Variants in CCSER1 observed in about 807,000 individuals in gnomAD.
CCSER1 encodes coiled-coil serine rich protein 1.
Under a neutral mutation model 82.0 loss-of-function variants are expected in CCSER1, and 41 were observed. The observed-to-expected ratio is 0.50, with a 90% CI of 0.39 to 0.65. The LOEUF (loss-of-function observed/expected upper bound fraction) is 0.65. CCSER1 is among the 30% of genes least tolerant of loss of function. The probability of loss-of-function intolerance (pLI) is 0.00; values close to 1 mark genes in which losing one functional copy is unlikely to be tolerated. For synonymous variants in CCSER1, 414 were observed against 383.9 expected (o/e 1.08, Z -0.92); for missense variants, 1,119 against 1,064.2 (o/e 1.05, Z -0.72).
rs1308833294 is a variant in CCSER1 at position 90,734,909 on chromosome 4, G to A, written c.2010+10918G>A. ...CCTTGTTTTGTTCCAAATCTTAGACGAAAGACTTTCAGATTTTCCCCATTT... is the reference window on the plus strand; with the variant it reads ...CCTTGTTTTGTTCCAAATCTTAGACAAAAGACTTTCAGATTTTCCCCATTT... On this transcript the variant is annotated intron_variant, in intron 7 of 10. Coordinates refer to ENST00000509176, the MANE Select transcript of CCSER1 (RefSeq NM_001145065.2). Among the ~76,000 whole-genome samples the A allele has an allele frequency of 2.6e-5, 4 of 152,188 alleles. No homozygotes were observed. The East Asian group carries it at 5.8e-4, about 22-fold the overall frequency.
chr4:90,211,098 A>G (rs543276716), intron 1 of CCSER1, among the ~76,000 whole-genome samples: 1 of 152,336 alleles, frequency 6.6e-6, no homozygotes, highest in Admixed American at 6.5e-5. Flanking sequence ...AGACAATGAT[A>G]GGGAACTTAG....
intron 5 of CCSER1, among the ~76,000 whole-genome samples, chr4:90,506,259 C>G (rs777720786): frequency 1.5e-4 from 23 of 152,072 alleles, no homozygotes; most frequent in Admixed American, 3.9e-4. Flanking sequence ...GAATTTTCAT[C>G]TAGTTAATTT....
At chr4:90,178,912 G>A (rs1578348516) in intron 1 of CCSER1, among the ~76,000 whole-genome samples, 1 of 152,136 alleles carries the variant, frequency 6.6e-6, no homozygotes, top group East Asian at 1.9e-4. Flanking sequence ...ATCTTTGGAA[G>A]TGGCTAAATA....
chr4:90,164,310 G>T (rs1183198766), intron 1 of CCSER1, among the ~76,000 whole-genome samples: 3 of 150,214 alleles, frequency 2.0e-5, no homozygotes, highest in African/African-American at 7.3e-5. Context: ...GTCTATCGCA[G>T]AATTGATTTT....
intron 10 of CCSER1, among the ~76,000 whole-genome samples, chr4:91,269,464 T>C (rs1741860220): frequency 6.6e-6 from 1 of 152,214 alleles, no homozygotes; most frequent in Admixed American, 6.5e-5. Flanking sequence ...GAAGGATTAC[T>C]CATATAAGCT....
In CCSER1 at chr4:90,198,885, A is replaced by C. The variant is rs568339788; in HGVS notation, c.-42+71054A>C. 3.9e-5 allele frequency among the ~76,000 whole-genome samples: 6 copies of C among 152,146 alleles called. No individual in the cohort carries two copies. The South Asian group carries it at 1.2e-3, about 32-fold the overall frequency. On this transcript the variant is annotated intron_variant, in intron 1 of 10. Coordinates refer to ENST00000509176, the MANE Select transcript of CCSER1 (RefSeq NM_001145065.2). ...GTTTTGAAACTTTTTAGATTATTCA[A>C]ATCTTTACATTTATTGTGACTGTCT...
intron 1 of CCSER1, among the ~76,000 whole-genome samples, chr4:90,266,811 A>T (rs1024437209): frequency 1.3e-5 from 2 of 152,052 alleles, no homozygotes; most frequent in African/African-American, 4.8e-5. Flanking sequence ...ACCATTGGCT[A>T]AACTGTCTGG....
At chr4:91,156,931 A>G (rs1229292259) in intron 10 of CCSER1, among the ~76,000 whole-genome samples, 1 of 151,906 alleles carries the variant, frequency 6.6e-6, no homozygotes, top group Non-Finnish European at 1.5e-5. Context: ...GATACTTACA[A>G]AAAAAGAAAT....
At chr4:91,406,944 G>A (rs546263621) in intron 10 of CCSER1, among the ~76,000 whole-genome samples, 7 of 152,092 alleles carry the variant, frequency 4.6e-5, no homozygotes, top group Non-Finnish European at 8.8e-5. Flanking sequence ...TTGAAGATGT[G>A]TTTTATTTTA....
chr4:91,162,812 A>T (rs1326257543), intron 10 of CCSER1, among the ~76,000 whole-genome samples: 2 of 151,804 alleles, frequency 1.3e-5, no homozygotes, highest in Non-Finnish European at 2.9e-5. Context: ...CTATTTGATT[A>T]TTCTCTTTTT....
At chr4:90,158,317 G>T (rs1048071359) in intron 1 of CCSER1, among the ~76,000 whole-genome samples, 1 of 152,162 alleles carries the variant, frequency 6.6e-6, no homozygotes, top group Non-Finnish European at 1.5e-5. Context: ...GGCTGCTCGG[G>T]GGTCAGGGGT....
chr4:90,149,566 G>A (rs1008100739), intron 1 of CCSER1, among the ~76,000 whole-genome samples: 5 of 152,116 alleles, frequency 3.3e-5, no homozygotes, highest in Non-Finnish European at 7.4e-5. Context: ...CTTAAAAAAT[G>A]TGTTAATCTT....
At chr4:90,746,148 A>G (rs1747423851) in intron 7 of CCSER1, among the ~76,000 whole-genome samples, 1 of 152,168 alleles carries the variant, frequency 6.6e-6, no homozygotes, top group African/African-American at 2.4e-5. Flanking sequence ...GGAACCATAA[A>G]ATTATATTGT....
At chr4:91,312,872 A>C (rs1745582810) in intron 10 of CCSER1, among the ~76,000 whole-genome samples, 2 of 151,948 alleles carry the variant, frequency 1.3e-5, no homozygotes, top group South Asian at 4.1e-4. Flanking sequence ...TAACTAAATA[A>C]ATTTTATAGA....
intron 8 of CCSER1, among the ~76,000 whole-genome samples, chr4:90,872,684 G>T (rs1403468769): frequency 6.6e-6 from 1 of 151,782 alleles, no homozygotes; most frequent in Non-Finnish European, 1.5e-5. Context: ...CTCTGTATTT[G>T]TCTGTCAACT....
chr4:91,404,281 C>G (rs1035322785), intron 10 of CCSER1, among the ~76,000 whole-genome samples: 1 of 151,932 alleles, frequency 6.6e-6, no homozygotes, highest in Admixed American at 6.6e-5. Context: ...TGATTCTTCT[C>G]TCTTTGCTTC....
At chr4:90,428,214 T>C (rs1232340887) in intron 4 of CCSER1, among the ~76,000 whole-genome samples, 1 of 151,914 alleles carries the variant, frequency 6.6e-6, no homozygotes, top group African/African-American at 2.4e-5. Context: ...TTCCTCCTTC[T>C]ACATTACCAT....
chr4:90,493,574 A>G (rs1052535736), intron 5 of CCSER1, among the ~76,000 whole-genome samples: 1 of 152,120 alleles, frequency 6.6e-6, no homozygotes, highest in Non-Finnish European at 1.5e-5. Context: ...CTTGCTAGAA[A>G]CTCTACAAGC....
intron 1 of CCSER1, among the ~76,000 whole-genome samples, chr4:90,198,350 G>A (rs1006230946): frequency 6.6e-6 from 1 of 152,098 alleles, no homozygotes; most frequent in Non-Finnish European, 1.5e-5. Context: ...AGATACCACT[G>A]CTTGTAGATC....
Sources: gnomAD v4.1 joint callset for allele counts (sites outside exome capture counted in the v4.1 genomes callset) on GRCh38, gnomAD v4.1.1 for gene constraint, MANE v1.5 for transcripts, NCBI Gene and HGNC (gene_info 2026-07-23, HGNC 2026-07-21) for gene names.